The following MED23 variants were observed in gnomAD, a reference collection of about 807,000 sequenced individuals.
MED23 encodes mediator of RNA polymerase II transcription subunit 23.
MED23 carries 105 observed loss-of-function variants against 163.9 expected under a neutral mutation model. That is an observed-to-expected ratio of 0.64 (90% CI 0.55 to 0.75). The LOEUF (loss-of-function observed/expected upper bound fraction) is 0.75. Among genes scored for constraint, MED23 ranks in the 30% least tolerant of loss-of-function variants. MED23 has a pLI of 0.00. For synonymous variants in MED23, 561 were observed against 565.6 expected (o/e 0.99, Z 0.12); for missense variants, 1,054 against 1,649.0 (o/e 0.64, Z 6.25).
At chr6:131,597,258 C>T (rs747998234) in intron 20 of MED23, among the ~76,000 whole-genome samples, 19 of 151,814 alleles carry the variant, frequency 1.3e-4, no homozygotes, top group Non-Finnish European at 1.2e-4. Flanking sequence ...GGGCAGAACA[C>T]GAGGTCAGGA....
chr6:131,627,690 A>AAAC lies in MED23; in HGVS notation c.40-19_40-18insGTT. 6.3e-7 allele frequency: 1 copy of AAAC among 1,591,574 alleles called. No homozygotes were observed. Among genetic ancestry groups the AAAC allele is most frequent in the Admixed American group, 1.7e-5 (1 of 57,670 alleles). ...TCCGTTTTCTGTAAAAAAAAAAAAA[A>AAAC]CAAAATGTAAACAATGTTAATTTTA... On this transcript the variant is annotated intron_variant, in intron 1 of 28. Transcript: ENST00000368068.
chr6:131,581,982 CTTTGTTGATATGCCATAG>C (rs1377802180), downstream of MED23, among the ~76,000 whole-genome samples: 2 of 152,176 alleles, frequency 1.3e-5, no homozygotes, highest in African/African-American at 4.8e-5. Flanking sequence ...CAGCTTATAA[CTTTGTTGATATGCCATAG>C]TTTGTTGATA....
At chr6:131,574,245 C>T (rs772855821) in exon 31 of MED23, 22 of 1,611,500 alleles carry the variant, frequency 1.4e-5, no homozygotes, top group Middle Eastern at 1.6e-4. Flanking sequence ...ATCTGGGCAG[C>T]GTTTTGCTTC....
At position 131,606,520 on chromosome 6, in the gene MED23, C is replaced by G; in HGVS notation, c.1326G>C (p.Lys442Asn). 6.2e-7 allele frequency: 1 copy of G among 1,613,548 alleles called. No homozygotes were observed. Among genetic ancestry groups the G allele is most frequent in the East Asian group, 2.2e-5 (1 of 44,794 alleles). ...GGGAATGAGGTATTGGAATCTGTAG[C>G]TTGGAGTTGTCATTTTGAGCTTTTC... is the stretch of plus-strand genomic sequence containing the variant. ...LNRKAQNDNS[K>N]LQIPIPHSLR... Residue 442 changes from lysine (K) to asparagine (N), a missense_variant, in exon 13 of 29, where the codon AAG becomes AAC. Lys to Asn is a moderately conservative substitution (Grantham distance 94). Coordinates refer to ENST00000368068, the MANE Select transcript of MED23 (RefSeq NM_004830.4).
chr6:131,604,035 A>G (rs1775679703), intron 15 of MED23, 143 bp downstream of exon 15: 6 of 803,652 alleles, frequency 7.5e-6, no homozygotes, highest in Non-Finnish European at 1.3e-5. Context: ...GACATATTGT[A>G]TATTTCATTT....
At chr6:131,589,742 CAT>C (rs1774450277) in intron 27 of MED23, 146 bp from the exon 28 acceptor site, 2 of 745,218 alleles carry the variant, frequency 2.7e-6, no homozygotes, top group East Asian at 5.4e-5. Flanking sequence ...CCTCTATGCA[CAT>C]GAGATATGAT....
At chr6:131,612,299 A>C (rs1776336404) in intron 10 of MED23, among the ~76,000 whole-genome samples, 2 of 152,062 alleles carry the variant, frequency 1.3e-5, no homozygotes, top group Admixed American at 1.3e-4. Context: ...AAAAAAAAGA[A>C]AAGTCTGAGA....
chr6:131,605,122 T>C, intron 14 of MED23, 118 bp downstream of exon 14: 1 of 1,109,844 alleles, frequency 9.0e-7, no homozygotes, highest in Non-Finnish European at 1.3e-6. Flanking sequence ...AAGCTAACTT[T>C]TTTTTCTCAA....
intron 17 of MED23, among the ~76,000 whole-genome samples, chr6:131,601,038 CT>C (rs111997719): frequency 0.27 from 39,243 of 147,448 alleles, 5,570 homozygotes; most frequent in African/African-American, 0.37. Flanking sequence ...AAATCAGCTG[CT>C]TTTTTTTTTT....
chr6:131,614,896 G>T (rs1486886248), intron 10 of MED23, among the ~76,000 whole-genome samples: 1 of 150,656 alleles, frequency 6.6e-6, no homozygotes, highest in Non-Finnish European at 1.5e-5. Flanking sequence ...TTCTTTATTT[G>T]TTTTAGTAGT....
Position 131,587,819 on chromosome 6 carries a change from G to A in MED23, c.3967C>T (p.Pro1323Ser). The change falls in exon 29 of 29, where the codon CCA becomes TCA. Residue 1323 changes from proline (P) to serine (S), a missense_variant. Physicochemically the swap from Pro to Ser is moderately conservative, Grantham distance 74. Transcript: ENST00000368068. Reference protein sequence around the residue: ...QVEKIICNLKPALKLRLRFIT... With the variant: ...QVEKIICNLKSALKLRLRFIT... ...AATCGAAGACGAAGTTTTAAAGCTGGTTTTAAGTTACAGATAATCTTCTCT... is the reference window on the plus strand; with the variant it reads ...AATCGAAGACGAAGTTTTAAAGCTGATTTTAAGTTACAGATAATCTTCTCT... The A allele has an allele frequency of 5.6e-6, 9 of 1,613,674 alleles. No homozygotes were observed. The highest frequency in any genetic ancestry group is 7.6e-6 in the Non-Finnish European group (9 of 1,179,742).
intron 25 of MED23, chr6:131,591,884 C>G (rs184825860): frequency 9.7e-5 from 24 of 246,170 alleles, no homozygotes; most frequent in African/African-American, 5.5e-4. Context: ...TTCATGTGAG[C>G]TGGAAAAGTC....
At chr6:131,607,731 T>C (rs560408541) in intron 12 of MED23, among the ~76,000 whole-genome samples, 197 bp downstream of exon 12, 3 of 152,304 alleles carry the variant, frequency 2.0e-5, no homozygotes, top group East Asian at 1.9e-4. Flanking sequence ...ATGATGTATA[T>C]AGATTAAAAC....
chr6:131,587,953 G>A lies in MED23; in HGVS notation c.3940-107C>T, dbSNP rs550567955. 102 of 935,104 alleles carry A rather than the reference G, an allele frequency of 1.1e-4. No homozygotes were observed. In the African/African-American group the frequency reaches 1.5e-3, roughly 13 times the overall value. The allele number at this position is 935,104 out of a possible 1,614,324, so 57.9% of individuals were successfully genotyped here. ...CGGAGACAATAAACTAAGGAGTGTC[G>A]TGGGGTAGATGAGAAGTTTCTTAAC... On this transcript the variant is annotated intron_variant, in intron 28 of 28. Coordinates refer to ENST00000368068, the MANE Select transcript of MED23 (RefSeq NM_004830.4).
In MED23 at chr6:131,615,930, T is replaced by G. The variant is rs756429077; in HGVS notation, c.853A>C (p.Asn285His). ...EQPYSRDMVCNMLGLNKQHKQ... is the reference protein window; with the variant it reads ...EQPYSRDMVCHMLGLNKQHKQ... The stretch of plus-strand genomic sequence containing the variant: ...ACCTGCTTATTTAAACCTAGCATAT[T>G]GCAGACCATATCCCTGGAATAAGGC... Residue 285 changes from asparagine to histidine, a missense_variant, in exon 10 of 29, where the codon AAT becomes CAT. Around this residue, in one of 11 missense-constraint regions of MED23, gnomAD observed 1 missense variants for 17.6 expected, o/e 0.06. Transcript: ENST00000368068. The G allele has an allele frequency of 6.2e-7, 1 of 1,613,540 alleles. No homozygotes were observed. The highest frequency in any genetic ancestry group is 8.5e-7 in the Non-Finnish European group (1 of 1,179,670).
chr6:131,596,776 T>TA (rs1315715210), intron 20 of MED23, 88 bp from the exon 21 acceptor site: 8 of 1,251,772 alleles, frequency 6.4e-6, no homozygotes, highest in Non-Finnish European at 8.0e-6. Context: ...TTTAACAAAG[T>TA]AAAATCTCAC....
chr6:131,589,485 C>G lies in MED23; in HGVS notation c.3919G>C (p.Gly1307Arg). 1 of 1,613,652 alleles carries G rather than the reference C, an allele frequency of 6.2e-7. No homozygotes were observed. The highest frequency in any genetic ancestry group is 8.5e-7 in the Non-Finnish European group (1 of 1,179,746). ...CTTACTTGCTCTTTCACGCTGTCAC[C>G]AGTAAACATATACTTCATGTGATAG... ...FLYHMKYMFT[G>R]DSVKEQVEKI... The change falls in exon 28 of 29, where the codon GGT becomes CGT. Residue 1307 changes from glycine to arginine, a missense_variant. Transcript: ENST00000368068.
chr6:131,598,734 G>A lies in MED23; in HGVS notation c.2248C>T (p.Gln750Ter). ...TTTTTCAGATTAAAACGGCTTTCCT[G>A]AGGCACATTATTTTGTTTGAAGAAT... ...QAFFKQNNVP[Q>*]ESRFNLKKNV... Residue 750 changes from glutamine (Q) to a stop codon, truncating the protein, a stop_gained, in exon 19 of 29, where the codon CAG becomes TAG. Coordinates refer to ENST00000368068, the MANE Select transcript of MED23 (RefSeq NM_004830.4). LOFTEE classifies it high-confidence loss of function. The surrounding 1 kb of genome is among the most constrained non-coding windows in gnomAD (Gnocchi z 4.7). 1 of 1,614,010 alleles carries A rather than the reference G, an allele frequency of 6.2e-7. No homozygotes were observed. Among genetic ancestry groups the A allele is most frequent in the Non-Finnish European group, 8.5e-7 (1 of 1,179,990 alleles).
chr6:131,587,602 C>A lies in MED23; in HGVS notation c.*77G>T, dbSNP rs189012428. ...TTCTACTATATCACTACAGTGTGAT[C>A]GCATTCAGATTTAAAAGGTTTGAGT... On this transcript the variant is annotated 3_prime_UTR_variant, in exon 29 of 29. Transcript: ENST00000368068. 7.5e-6 allele frequency: 12 copies of A among 1,604,884 alleles called. No homozygotes were observed. In the South Asian group the frequency reaches 9.0e-5, roughly 12 times the overall value.
Sources: allele counts gnomAD v4.1 joint callset (sites outside exome capture counted in the v4.1 genomes callset), GRCh38; gene constraint gnomAD v4.1.1; regional missense constraint gnomAD v4.1.1; non-coding constraint Gnocchi (gnomAD v3.1); transcripts MANE v1.5; gene names NCBI Gene and HGNC (gene_info 2026-07-23, HGNC 2026-07-21).